CACNA1D: variants seen among roughly 807,000 people sequenced by gnomAD.
CACNA1D encodes voltage-dependent L-type calcium channel subunit alpha-1D.
CACNA1D carries 55 observed loss-of-function variants against 257.1 expected under a neutral mutation model. That is an observed-to-expected ratio of 0.21 (90% CI 0.17 to 0.27). CACNA1D has a LOEUF of 0.27. Among genes scored for constraint, CACNA1D ranks in the 10% least tolerant of loss-of-function variants. The pLI, the probability that CACNA1D is intolerant of heterozygous loss-of-function variation, is 1.00. For synonymous variants in CACNA1D, 980 were observed against 1,014.9 expected (o/e 0.97, Z 0.65); for missense variants, 1,876 against 2,784.0 (o/e 0.67, Z 7.34).
rs74382966 is a variant in CACNA1D, at chr3:53,609,563, A to G, written c.484-41216A>G. ...GCATCAAATTTATTGGCATAAAATT[A>G]TTCATAATATTTCCTGATTATATTT... On this transcript the variant is annotated intron_variant, in intron 3 of 47. Transcript: ENST00000350061. Among the ~76,000 whole-genome samples the G allele has an allele frequency of 4.2e-3, 637 of 152,270 alleles. 21 individuals carry two copies. In the East Asian group the frequency reaches 0.083, roughly 20 times the overall value.
At chr3:53,720,574 C>T (rs2094872319) in intron 11 of CACNA1D, among the ~76,000 whole-genome samples, 1 of 152,082 alleles carries the variant, frequency 6.6e-6, no homozygotes, top group Non-Finnish European at 1.5e-5. Flanking sequence ...AATAGAAAAA[C>T]CCAATAAAAA....
chr3:53,760,610 G>A (rs561868706), intron 29 of CACNA1D, among the ~76,000 whole-genome samples: 8 of 152,162 alleles, frequency 5.3e-5, no homozygotes, highest in Non-Finnish European at 8.8e-5. Flanking sequence ...CTCTCCAACC[G>A]GGAGCTTCCC....
chr3:53,560,420 A>G (rs1334898894), intron 3 of CACNA1D, among the ~76,000 whole-genome samples: 2 of 152,208 alleles, frequency 1.3e-5, no homozygotes, highest in East Asian at 3.8e-4. Context: ...CAAATCCTGC[A>G]TAGAGTGGGA....
intron 3 of CACNA1D, among the ~76,000 whole-genome samples, chr3:53,596,764 G>A (rs138872142): frequency 8.5e-4 from 129 of 152,314 alleles, no homozygotes; most frequent in Non-Finnish European, 1.7e-3. Context: ...TTTTAGTTCA[G>A]CAAGACCCAT....
intron 25 of CACNA1D, among the ~76,000 whole-genome samples, chr3:53,746,416 TG>T (rs2095169704): frequency 6.6e-6 from 1 of 152,106 alleles, no homozygotes. Context: ...AGAGACAAGG[TG>T]GGAGATATTC....
chr3:53,619,283 T>C (rs2093670257), intron 3 of CACNA1D, among the ~76,000 whole-genome samples: 1 of 152,210 alleles, frequency 6.6e-6, no homozygotes, highest in Non-Finnish European at 1.5e-5. Context: ...CTCCTGGCCC[T>C]CAGAAAATTA....
intron 9 of CACNA1D, among the ~76,000 whole-genome samples, chr3:53,704,320 G>A (rs2094661404): frequency 6.6e-6 from 1 of 152,146 alleles, no homozygotes; most frequent in Non-Finnish European, 1.5e-5. Context: ...CCAGTGTGCT[G>A]ACTGGGAGTG....
intron 3 of CACNA1D, among the ~76,000 whole-genome samples, chr3:53,561,616 G>A (rs1251940378): frequency 6.6e-6 from 1 of 152,172 alleles, no homozygotes; most frequent in Non-Finnish European, 1.5e-5. Flanking sequence ...GGAAAATAGA[G>A]TAAACACACT....
chr3:53,592,869 A>T (rs1199164419), intron 3 of CACNA1D, among the ~76,000 whole-genome samples: 14 of 152,040 alleles, frequency 9.2e-5, no homozygotes. Flanking sequence ...TTGTATTTTT[A>T]GTAGAGACGG....
intron 3 of CACNA1D, among the ~76,000 whole-genome samples, chr3:53,584,129 T>A (rs2093175840): frequency 1.3e-5 from 2 of 152,112 alleles, no homozygotes; most frequent in African/African-American, 4.8e-5. Flanking sequence ...TCTCTCTATC[T>A]GGGCCGTTCT....
At chr3:53,713,079 G>C (rs1344505603) in intron 9 of CACNA1D, among the ~76,000 whole-genome samples, 1 of 152,182 alleles carries the variant, frequency 6.6e-6, no homozygotes, top group African/African-American at 2.4e-5. Flanking sequence ...CTGCTGGCTG[G>C]ACCCCTGGCT....
At chr3:53,496,486 G>C (rs1018980295) in intron 1 of CACNA1D, among the ~76,000 whole-genome samples, 1 of 152,248 alleles carries the variant, frequency 6.6e-6, no homozygotes, top group Non-Finnish European at 1.5e-5. Flanking sequence ...AAGCCCTAAA[G>C]ATGTTTTCTG....
intron 14 of CACNA1D, among the ~76,000 whole-genome samples, chr3:53,725,697 G>A (rs906415895): frequency 3.3e-5 from 5 of 152,148 alleles, no homozygotes; most frequent in Admixed American, 6.5e-5. Flanking sequence ...GAGGTTGAAC[G>A]TCTTTTCCTA....
At position 53,631,239 on chromosome 3, in the gene CACNA1D, A is replaced by G. The variant is rs139655459; in HGVS notation, c.484-19540A>G. Among the ~76,000 whole-genome samples the G allele has an allele frequency of 7.9e-3, 1,208 of 152,346 alleles. 13 individuals carry two copies. Among genetic ancestry groups the G allele is most frequent in the African/African-American group, 0.027 (1,106 of 41,576 alleles). ...CTCAAAATTGGAGTCAATCCTCTCA[A>G]ACCCTGCCACTGCTTTATCAACTAT... On this transcript the variant is annotated intron_variant, in intron 3 of 47. Transcript: ENST00000350061.
At chr3:53,726,007 T>C (rs953665450) in intron 14 of CACNA1D, among the ~76,000 whole-genome samples, 1 of 152,224 alleles carries the variant, frequency 6.6e-6, no homozygotes, top group African/African-American at 2.4e-5. Flanking sequence ...ACATGAGACA[T>C]TTAGAATTTC....
intron 8 of CACNA1D, among the ~76,000 whole-genome samples, chr3:53,682,381 A>AC (rs2094439292): frequency 6.8e-6 from 1 of 146,692 alleles, no homozygotes; most frequent in African/African-American, 2.6e-5. Flanking sequence ...AAAAAAAAAA[A>AC]AAAAAAAAAA....
At chr3:53,580,777 AG>A (rs1559871855) in intron 3 of CACNA1D, among the ~76,000 whole-genome samples, 1 of 152,238 alleles carries the variant, frequency 6.6e-6, no homozygotes, top group African/African-American at 2.4e-5. Flanking sequence ...CTTAAATTGC[AG>A]AAGTTCATTG....
chr3:53,688,836 C>T (rs1345345460), intron 8 of CACNA1D, among the ~76,000 whole-genome samples: 1 of 152,112 alleles, frequency 6.6e-6, no homozygotes, highest in Non-Finnish European at 1.5e-5. Context: ...CAGTTTTGGG[C>T]CTCTGAGTCT....
intron 30 of CACNA1D, among the ~76,000 whole-genome samples, 164 bp from the exon 31 acceptor site, chr3:53,769,809 T>G (rs992449989): frequency 4.6e-5 from 7 of 152,174 alleles, no homozygotes; most frequent in Non-Finnish European, 4.4e-5. Context: ...CTGCCTGCCC[T>G]CAAGTCCACC....
Sources: gnomAD v4.1 joint callset for allele counts (sites outside exome capture counted in the v4.1 genomes callset) on GRCh38, gnomAD v4.1.1 for gene constraint, MANE v1.5 for transcripts, NCBI Gene and HGNC (gene_info 2026-07-23, HGNC 2026-07-21) for gene names.